PKN2: variants seen among roughly 807,000 people sequenced by gnomAD.
PKN2 encodes the protein serine/threonine-protein kinase N2.
A neutral mutation model predicts 119.1 loss-of-function variants in PKN2; 38 were observed. The ratio of observed to expected loss-of-function variants is 0.32; its 90% confidence interval spans 0.25 to 0.42. The LOEUF (loss-of-function observed/expected upper bound fraction) is 0.42, where lower values mean the gene tolerates loss of function less well. Ranked by LOEUF, PKN2 falls within the 10% of genes least tolerant of loss-of-function variation. The pLI is 1.00. For synonymous variants in PKN2, 390 were observed against 384.9 expected (o/e 1.01, Z -0.15); for missense variants, 850 against 1,165.1 (o/e 0.73, Z 3.94).
At chr1:88,730,152 G>A (rs1449599711) in intron 1 of PKN2, among the ~76,000 whole-genome samples, 2 of 151,046 alleles carry the variant, frequency 1.3e-5, no homozygotes, top group Admixed American at 6.6e-5. Flanking sequence ...GCGACAGAAC[G>A]AGACTCCGTC....
intron 2 of PKN2, among the ~76,000 whole-genome samples, chr1:88,754,410 A>G (rs1384561826): frequency 1.3e-5 from 2 of 152,210 alleles, no homozygotes; most frequent in African/African-American, 2.4e-5. Context: ...AGATGTGAAA[A>G]CAGATCATTA....
At chr1:88,794,778 C>T (rs1350393708) in intron 8 of PKN2, among the ~76,000 whole-genome samples, 1 of 151,898 alleles carries the variant, frequency 6.6e-6, no homozygotes, top group Non-Finnish European at 1.5e-5. Flanking sequence ...GCTATCAGCC[C>T]CTTCCAAACT....
At chr1:88,706,685 G>A (rs1667017470) in intron 1 of PKN2, among the ~76,000 whole-genome samples, 1 of 152,140 alleles carries the variant, frequency 6.6e-6, no homozygotes, top group African/African-American at 2.4e-5. Context: ...AGGAAAGAAT[G>A]TTGGATTTTT....
intron 3 of PKN2, among the ~76,000 whole-genome samples, chr1:88,768,512 C>A (rs1385681155): frequency 1.1e-4 from 17 of 152,158 alleles, no homozygotes; most frequent in Admixed American, 1.1e-3. Context: ...CACTTAAGGA[C>A]CCTTGTGATT....
intron 1 of PKN2, among the ~76,000 whole-genome samples, chr1:88,689,196 A>G (rs1666234808): frequency 6.6e-6 from 1 of 152,232 alleles, no homozygotes; most frequent in African/African-American, 2.4e-5. Flanking sequence ...TGTAATGCAC[A>G]TGTATTACAG....
chr1:88,728,032 T>TTA (rs1372276254), intron 1 of PKN2, among the ~76,000 whole-genome samples: 1 of 151,352 alleles, frequency 6.6e-6, no homozygotes, highest in Non-Finnish European at 1.5e-5. Flanking sequence ...TTTTTTTTTT[T>TTA]TTATTCTTTG....
chr1:88,716,933 C>T (rs371912921), intron 1 of PKN2, among the ~76,000 whole-genome samples: 5,613 of 152,154 alleles, frequency 0.037, 226 homozygotes, highest in African/African-American at 0.093. Context: ...TGGCTGGTAC[C>T]AGTTGTTCCT....
intron 1 of PKN2, among the ~76,000 whole-genome samples, chr1:88,711,905 TAGTATG>T (rs979004906): frequency 1.3e-5 from 2 of 152,120 alleles, no homozygotes; most frequent in African/African-American, 4.8e-5. Flanking sequence ...AAATTATACT[TAGTATG>T]TGTATGTGAG....
intron 12 of PKN2, among the ~76,000 whole-genome samples, chr1:88,806,722 G>A (rs1366577294): frequency 6.6e-6 from 1 of 151,648 alleles, no homozygotes; most frequent in Non-Finnish European, 1.5e-5. Context: ...CATTGTTTTG[G>A]TTTTGTTTTG....
At chr1:88,818,647 CAA>C (rs199849657) in intron 16 of PKN2, among the ~76,000 whole-genome samples, 11 of 81,746 alleles carry the variant, frequency 1.3e-4, no homozygotes, top group Admixed American at 1.4e-4. Context: ...GACTCCTTCT[CAA>C]AAAAAAAAAA....
At chr1:88,763,628 A>G (rs1669537621) in intron 3 of PKN2, among the ~76,000 whole-genome samples, 1 of 143,374 alleles carries the variant, frequency 7.0e-6, no homozygotes, top group Admixed American at 7.0e-5. Context: ...AAAAAAAAAG[A>G]AAGTTCACAT....
chr1:88,697,628 T>A (rs1328349110), intron 1 of PKN2, among the ~76,000 whole-genome samples: 1 of 152,184 alleles, frequency 6.6e-6, no homozygotes, highest in Non-Finnish European at 1.5e-5. Context: ...ATTCAGTGAC[T>A]CCTTAATGCC....
chr1:88,731,892 T>C (rs1668155179), intron 1 of PKN2, among the ~76,000 whole-genome samples: 1 of 152,252 alleles, frequency 6.6e-6, no homozygotes, highest in African/African-American at 2.4e-5. Context: ...TTCTTAACTT[T>C]ACTGTGAGTT....
chr1:88,741,373 G>A lies in PKN2; in HGVS notation c.349+85G>A, dbSNP rs1374117251. 3.4e-6 allele frequency: 3 copies of A among 889,082 alleles called. No individual in the cohort carries two copies. The Admixed American group carries it at 1.1e-4, about 33-fold the overall frequency. The allele number at this position is 889,082 out of a possible 1,614,324, so 55.1% of individuals were successfully genotyped here. A position where few individuals can be genotyped will look rare whatever the true frequency, so the allele number is the denominator to read the frequency against. ...TAGAAAATAGTAAGTTTGGGGACAT[G>A]AATAGTTTTTAGCTTTTCTGAAAGT... On this transcript the variant is annotated intron_variant, in intron 2 of 21. Transcript: ENST00000370521.
Position 88,684,612 on chromosome 1 carries a change from T to C in PKN2, c.32T>C (p.Leu11Pro). The stretch of plus-strand genomic sequence containing the variant: ...TCCAACCCCGAACGGGGGGAGATTC[T>C]GCTCACGGAACTGCAGGTAAGGGCC... MASNPERGEI[L>P]LTELQGDSRS... Residue 11 changes from leucine (L) to proline (P), a missense_variant, in exon 1 of 22, where the codon CTG becomes CCG. Physicochemically the swap from Leu to Pro is moderately conservative, Grantham distance 98. This residue lies in a region of PKN2 where 73 missense variants were observed against 61.2 expected (regional missense o/e 1.19). Coordinates refer to ENST00000370521, the MANE Select transcript of PKN2 (RefSeq NM_006256.4). 6.4e-7 allele frequency: 1 copy of C among 1,565,020 alleles called. No homozygotes were observed. The highest frequency in any genetic ancestry group is 1.2e-5 in the South Asian group (1 of 85,760).
intron 19 of PKN2, among the ~76,000 whole-genome samples, chr1:88,830,001 G>T (rs750938318): frequency 6.6e-6 from 1 of 152,166 alleles, no homozygotes; most frequent in Admixed American, 6.5e-5. Flanking sequence ...AATTTATCAT[G>T]TGCTAAGCAC....
chr1:88,724,261 A>G (rs1570535366), intron 1 of PKN2, among the ~76,000 whole-genome samples: 1 of 152,198 alleles, frequency 6.6e-6, no homozygotes, highest in East Asian at 1.9e-4. Flanking sequence ...ATTGTTTCTT[A>G]TAATTAAATA....
intron 20 of PKN2, 89 bp from the exon 21 acceptor site, chr1:88,832,988 T>C: frequency 7.5e-7 from 1 of 1,336,194 alleles, no homozygotes; most frequent in Non-Finnish European, 1.0e-6. Flanking sequence ...AAAGACAAAA[T>C]ATATCTAAGT....
chr1:88,790,346 T>G (rs1670769188), intron 8 of PKN2, among the ~76,000 whole-genome samples: 1 of 152,244 alleles, frequency 6.6e-6, no homozygotes, highest in Admixed American at 6.5e-5. Flanking sequence ...ATATGTATAT[T>G]CTACTATCAT....
Sources: gnomAD v4.1 joint callset for allele counts (sites outside exome capture counted in the v4.1 genomes callset) on GRCh38, gnomAD v4.1.1 for gene constraint, gnomAD v4.1.1 regional missense constraint, MANE v1.5 for transcripts, NCBI Gene and HGNC (gene_info 2026-07-23, HGNC 2026-07-21) for gene names.